The following SLC25A40 variants were observed in gnomAD, a reference collection of about 807,000 sequenced individuals.
SLC25A40 encodes mitochondrial glutathione transporter SLC25A40.
A neutral mutation model predicts 46.5 loss-of-function variants in SLC25A40; 41 were observed. The ratio of observed to expected loss-of-function variants is 0.88; its 90% CI spans 0.69 to 1.14. The LOEUF (loss-of-function observed/expected upper bound fraction) is 1.14, where lower values mean the gene tolerates loss of function less well. Among genes scored for constraint, SLC25A40 ranks in the 50% most tolerant of loss-of-function variants. The pLI is 0.00. For synonymous variants in SLC25A40, 126 were observed against 127.5 expected (o/e 0.99, Z 0.08); for missense variants, 386 against 393.6 (o/e 0.98, Z 0.16).
At chr7:87,847,228 T>C (rs529372505) in intron 7 of SLC25A40, 106 bp from the exon 8 acceptor site, 61 of 875,250 alleles carry the variant, frequency 7.0e-5, no homozygotes, top group Non-Finnish European at 9.3e-5. Flanking sequence ...TTTAAACTTT[T>C]AGTCTATAAT....
chr7:87,866,652 G>A (rs1488321888), intron 1 of SLC25A40, among the ~76,000 whole-genome samples: 9 of 152,120 alleles, frequency 5.9e-5, no homozygotes, highest in African/African-American at 9.7e-5. Context: ...ACCGCTCAGC[G>A]GCATTCCACA....
rs1418954739 is a variant in SLC25A40, at chr7:87,834,128, T to C, written c.*2121A>G. The C allele has an allele frequency of 1.3e-5, 2 of 151,894 alleles. No individual in the cohort carries two copies. Among genetic ancestry groups the C allele is most frequent in the Non-Finnish European group, 2.9e-5 (2 of 67,886 alleles). The allele number at this position is 151,894 out of a possible 1,614,324, so 9.4% of individuals were successfully genotyped here. A position where few individuals can be genotyped will look rare whatever the true frequency, so the allele number is the denominator to read the frequency against. Reference sequence around the variant, plus strand: ...CTGTTGTGGCACATGTTTGCAAATATTGCAATTCCTGCAACATCATATGTA... The same window carrying C: ...CTGTTGTGGCACATGTTTGCAAATACTGCAATTCCTGCAACATCATATGTA... On this transcript the variant is annotated 3_prime_UTR_variant, in exon 12 of 12. Coordinates refer to ENST00000341119, the MANE Select transcript of SLC25A40 (RefSeq NM_018843.4).
Position 87,836,717 on chromosome 7 carries a change from C to T in SLC25A40, c.904+13G>A, listed in dbSNP as rs1208518059. ...CATTCTATTCAATGATTCGGTAAAG[C>T]AAGTATTTTTACCTGAAAATAATCC... On this transcript the variant is annotated intron_variant, in intron 11 of 11. Coordinates refer to ENST00000341119, the MANE Select transcript of SLC25A40 (RefSeq NM_018843.4). The T allele has an allele frequency of 1.1e-5, 16 of 1,481,066 alleles. No homozygotes were observed. In the Admixed American group the frequency reaches 3.4e-4, roughly 31 times the overall value. 91.7% of individuals were successfully genotyped at this position (1,481,066 alleles called of 1,614,324 possible). A position where few individuals can be genotyped will look rare whatever the true frequency, so the allele number is the denominator to read the frequency against.
chr7:87,852,401 T>C (rs914657260), intron 5 of SLC25A40, among the ~76,000 whole-genome samples: 12 of 152,048 alleles, frequency 7.9e-5, no homozygotes, highest in Admixed American at 7.2e-4. Flanking sequence ...GGCAACATAG[T>C]GAGACCCTGT....
chr7:87,841,348 A>G (rs533744293), intron 10 of SLC25A40, among the ~76,000 whole-genome samples: 8 of 151,820 alleles, frequency 5.3e-5, no homozygotes, highest in Non-Finnish European at 1.0e-4. Flanking sequence ...AAACATCATA[A>G]AACAACTTAG....
chr7:87,854,354 T>C, intron 4 of SLC25A40, 44 bp from the exon 5 acceptor site: 1 of 1,151,084 alleles, frequency 8.7e-7, no homozygotes, highest in Non-Finnish European at 1.3e-6. Flanking sequence ...CTCACATAAC[T>C]GTTATTATTT....
chr7:87,835,437 T>G lies in SLC25A40; in HGVS notation c.*812A>C, dbSNP rs1838244182. 1 of 151,642 alleles carries G rather than the reference T, an allele frequency of 6.6e-6. No individual in the cohort carries two copies. Among genetic ancestry groups the G allele is most frequent in the Admixed American group, 6.6e-5 (1 of 15,156 alleles). 9.4% of individuals were successfully genotyped at this position (151,642 alleles called of 1,614,324 possible). A position where few individuals can be genotyped will look rare whatever the true frequency, so the allele number is the denominator to read the frequency against. On this transcript the variant is annotated 3_prime_UTR_variant, in exon 12 of 12. Coordinates refer to ENST00000341119, the MANE Select transcript of SLC25A40 (RefSeq NM_018843.4). ...ACTTGGATTACAAGAGAGCTAAAAA[T>G]CAGAGGCTATTCCTGTGTGCAAACT...
chr7:87,851,606 G>A (rs913873333), intron 5 of SLC25A40, among the ~76,000 whole-genome samples: 3 of 152,152 alleles, frequency 2.0e-5, no homozygotes, highest in African/African-American at 7.2e-5. Context: ...CTACTTTCAC[G>A]ATCACCCAGC....
At chr7:87,873,468 T>G (rs1240230012) in intron 1 of SLC25A40, among the ~76,000 whole-genome samples, 1 of 149,086 alleles carries the variant, frequency 6.7e-6, no homozygotes, top group Non-Finnish European at 1.5e-5. Flanking sequence ...AGTCTCGCTC[T>G]GTTGCCCACG....
intron 3 of SLC25A40, 29 bp from the exon 4 acceptor site, chr7:87,856,380 C>T (rs763899166): frequency 6.5e-6 from 10 of 1,535,574 alleles, no homozygotes; most frequent in African/African-American, 5.5e-5. Context: ...TTTCAATTAG[C>T]GAGTGGTATC....
Position 87,858,753 on chromosome 7 carries a change from T to A in SLC25A40, c.-24-2A>T. On this transcript the variant is annotated splice_acceptor_variant, in intron 2 of 11. Transcript: ENST00000341119. LOFTEE classifies it low-confidence loss of function (5UTR_SPLICE). ...ATTTTTAACTAATTAAATAAAAACC[T>A]GTTAAAAAGAAAACATAAAATTAGA... 6.7e-7 allele frequency: 1 copy of A among 1,495,104 alleles called. No homozygotes were observed. Among genetic ancestry groups the A allele is most frequent in the South Asian group, 1.1e-5 (1 of 88,220 alleles). 92.6% of individuals were successfully genotyped at this position (1,495,104 alleles called of 1,614,324 possible).
intron 1 of SLC25A40, among the ~76,000 whole-genome samples, chr7:87,864,366 C>T (rs10245767): frequency 0.077 from 11,700 of 152,280 alleles, 486 homozygotes; most frequent in African/African-American, 0.1. Flanking sequence ...TGTCTACTAG[C>T]TATTTTGAAA....
At chr7:87,863,719 G>A (rs1330978864) in intron 1 of SLC25A40, among the ~76,000 whole-genome samples, 1 of 151,722 alleles carries the variant, frequency 6.6e-6, no homozygotes, top group Non-Finnish European at 1.5e-5. Context: ...TTTATGTTAG[G>A]AACATTCGAA....
chr7:87,858,707 T>TC lies in SLC25A40; in HGVS notation c.20dup (p.Gln8ThrfsTer33), dbSNP rs1562747562. On this transcript the variant is annotated frameshift_variant, in exon 3 of 12. Coordinates refer to ENST00000341119, the MANE Select transcript of SLC25A40 (RefSeq NM_018843.4). LOFTEE classifies it high-confidence loss of function. ...GAGGTGTCACTTTGATAATCTCTTG[T>TC]CCCCTTGTCTCAGGATCCATATTTT... The TC allele has an allele frequency of 6.2e-7, 1 of 1,612,198 alleles. No homozygotes were observed. Among genetic ancestry groups the TC allele is most frequent in the East Asian group, 2.2e-5 (1 of 44,856 alleles).
At chr7:87,843,050 C>A (rs1394833639) in intron 9 of SLC25A40, among the ~76,000 whole-genome samples, 1 of 152,012 alleles carries the variant, frequency 6.6e-6, no homozygotes, top group Non-Finnish European at 1.5e-5. Context: ...CAATATTTTT[C>A]TGCAAGTCTG....
intron 10 of SLC25A40, chr7:87,837,023 T>C (rs1334505597): frequency 1.8e-5 from 5 of 272,922 alleles, no homozygotes; most frequent in Admixed American, 1.6e-4. Context: ...TAAAGATGTA[T>C]AGGACTGGAT....
chr7:87,847,648 AG>A (rs1177789276), intron 7 of SLC25A40, among the ~76,000 whole-genome samples: 2 of 152,198 alleles, frequency 1.3e-5, no homozygotes, highest in African/African-American at 4.8e-5. Flanking sequence ...TGACCAAAAT[AG>A]GCTGAGCCCA....
chr7:87,853,456 T>C (rs895278977), intron 5 of SLC25A40, among the ~76,000 whole-genome samples: 1 of 152,238 alleles, frequency 6.6e-6, no homozygotes, highest in Non-Finnish European at 1.5e-5. Flanking sequence ...ACCATATGAC[T>C]CAGCAACTGT....
intron 8 of SLC25A40, among the ~76,000 whole-genome samples, chr7:87,845,361 G>A (rs1248892231): frequency 2.0e-5 from 3 of 152,058 alleles, no homozygotes; most frequent in Non-Finnish European, 4.4e-5. Flanking sequence ...GGTGAGCGGC[G>A]GGTGAGTGAG....
Sources: gnomAD v4.1 joint callset for allele counts (sites outside exome capture counted in the v4.1 genomes callset) on GRCh38, gnomAD v4.1.1 for gene constraint, MANE v1.5 for transcripts, NCBI Gene and HGNC (gene_info 2026-07-23, HGNC 2026-07-21) for gene names.